Variants in DAAM1 observed in about 807,000 individuals in gnomAD.
DAAM1 encodes dishevelled associated activator of morphogenesis 1.
DAAM1 carries 52 observed loss-of-function variants against 130.0 expected under a neutral mutation model. The ratio of observed to expected loss-of-function variants is 0.40; its 90% CI spans 0.32 to 0.50. The LOEUF (loss-of-function observed/expected upper bound fraction) is 0.50. Ranked by LOEUF, DAAM1 falls within the 20% of genes least tolerant of loss-of-function variation. The pLI is 0.61. For missense variants in DAAM1, 1,134 were observed against 1,303.8 expected (o/e 0.87, Z 2.01); for synonymous variants, 452 against 444.5 (o/e 1.02, Z -0.21).
chr14:59,220,136 A>G (rs755032093), intron 1 of DAAM1, among the ~76,000 whole-genome samples: 1 of 152,092 alleles, frequency 6.6e-6, no homozygotes, highest in African/African-American at 2.4e-5. Context: ...CTCTCATCCC[A>G]AGATTTTGTT....
chr14:59,237,637 T>A (rs1467228941), intron 1 of DAAM1, among the ~76,000 whole-genome samples: 1 of 152,186 alleles, frequency 6.6e-6, no homozygotes, highest in Non-Finnish European at 1.5e-5. Flanking sequence ...TAAAATATTT[T>A]GTGCCAGGAT....
chr14:59,241,667 G>A (rs1881123522), intron 1 of DAAM1, among the ~76,000 whole-genome samples: 1 of 152,196 alleles, frequency 6.6e-6, no homozygotes, highest in Non-Finnish European at 1.5e-5. Context: ...GAAGCAGAAG[G>A]AAGAGCTTCC....
At chr14:59,326,131 A>G in intron 10 of DAAM1, 54 bp downstream of exon 10, 2 of 1,540,110 alleles carry the variant, frequency 1.3e-6, no homozygotes, top group Non-Finnish European at 1.8e-6. Flanking sequence ...ACATTGTCCT[A>G]ATGGGTTCTG....
At chr14:59,313,925 A>G (rs1884688689) in intron 3 of DAAM1, among the ~76,000 whole-genome samples, 1 of 152,238 alleles carries the variant, frequency 6.6e-6, no homozygotes. Context: ...CAATCTCCAG[A>G]TGAAATTCAC....
At chr14:59,252,370 T>G (rs1881684518) in intron 1 of DAAM1, among the ~76,000 whole-genome samples, 1 of 152,242 alleles carries the variant, frequency 6.6e-6, no homozygotes, top group African/African-American at 2.4e-5. Context: ...TTGCAGTAAC[T>G]AAATTTGGTA....
chr14:59,216,814 C>T (rs968471223), intron 1 of DAAM1, among the ~76,000 whole-genome samples: 5 of 151,776 alleles, frequency 3.3e-5, no homozygotes, highest in East Asian at 1.9e-4. Context: ...GTTGACTAAC[C>T]GTTTGTGTGA....
At chr14:59,336,800 T>C (rs563007669) in intron 15 of DAAM1, among the ~76,000 whole-genome samples, 12 of 152,342 alleles carry the variant, frequency 7.9e-5, no homozygotes, top group African/African-American at 2.9e-4. Flanking sequence ...GATGAAATAA[T>C]TGTATTACTG....
intron 19 of DAAM1, 101 bp downstream of exon 19, chr14:59,354,065 T>C: frequency 2.3e-6 from 2 of 865,820 alleles, no homozygotes. Flanking sequence ...CTTGGTGATT[T>C]TTTTTTTTTT....
chr14:59,196,469 T>C (rs1480542345), intron 1 of DAAM1, among the ~76,000 whole-genome samples: 1 of 152,034 alleles, frequency 6.6e-6, no homozygotes, highest in African/African-American at 2.4e-5. Flanking sequence ...ATGGGCCGGG[T>C]GCGGTGGCTC....
rs57893285 is a variant in DAAM1 at position 59,366,035 on chromosome 14, T to C, written c.2827-1394T>C. 3.3e-3 allele frequency among the ~76,000 whole-genome samples: 506 copies of C among 151,776 alleles called. 3 individuals carry two copies. Among genetic ancestry groups the C allele is most frequent in the African/African-American group, 0.012 (484 of 41,332 alleles). Reference sequence around the variant, plus strand: ...GACTGGATATACTATTGTTACTGTATACATATATTTTTATTTAACTTTAAA... The same window carrying C: ...GACTGGATATACTATTGTTACTGTACACATATATTTTTATTTAACTTTAAA... On this transcript the variant is annotated intron_variant, in intron 23 of 24. Transcript: ENST00000360909.
chr14:59,356,537 A>G (rs186685070), intron 20 of DAAM1, among the ~76,000 whole-genome samples: 3 of 152,336 alleles, frequency 2.0e-5, no homozygotes, highest in Admixed American at 6.5e-5. Flanking sequence ...CAGCTTGCCT[A>G]TGGTTACAAC....
At position 59,330,615 on chromosome 14, in the gene DAAM1, AG is replaced by A; in HGVS notation, c.1489del (p.Glu497ArgfsTer87). ...AATAAAATGAAAGAGAAACTTGAAAAGGAGACTACTGAGCATAAGCAAGTCA... is the reference window on the plus strand; with the variant it reads ...AATAAAATGAAAGAGAAACTTGAAAAGAGACTACTGAGCATAAGCAAGTCA... ...TLNKMKEKLEKETTEHKQVKQ... is the reference protein window; with the variant it reads ...TLNKMKEKLEXETTEHKQVKQ... On this transcript the variant is annotated frameshift_variant, in exon 13 of 25. Transcript: ENST00000360909. LOFTEE classifies it high-confidence loss of function. 1 of 1,614,082 alleles carries A rather than the reference AG, an allele frequency of 6.2e-7. No homozygotes were observed. Among genetic ancestry groups the A allele is most frequent in the Non-Finnish European group, 8.5e-7 (1 of 1,180,012 alleles).
chr14:59,289,391 A>G (rs950505886), intron 2 of DAAM1, among the ~76,000 whole-genome samples: 3 of 152,162 alleles, frequency 2.0e-5, no homozygotes, highest in Non-Finnish European at 2.9e-5. Flanking sequence ...AATCACATCA[A>G]TTACTAATTA....
intron 1 of DAAM1, among the ~76,000 whole-genome samples, chr14:59,242,593 C>G (rs568775743): frequency 2.0e-5 from 3 of 152,292 alleles, no homozygotes; most frequent in Admixed American, 1.3e-4. Context: ...GAGTCTCGCT[C>G]TATCCCCCAG....
At chr14:59,294,639 A>T (rs186850058) in intron 3 of DAAM1, among the ~76,000 whole-genome samples, 21 of 152,194 alleles carry the variant, frequency 1.4e-4, no homozygotes, top group African/African-American at 4.8e-4. Flanking sequence ...TCAAATAGGA[A>T]ATGTTTGTGG....
intron 22 of DAAM1, chr14:59,362,797 T>A (rs1886760895): frequency 6.6e-6 from 1 of 152,158 alleles, no homozygotes; most frequent in African/African-American, 2.4e-5. Context: ...AGAATCCAGT[T>A]TAAGTCAATT....
At chr14:59,347,870 C>G (rs1391422090) in intron 17 of DAAM1, among the ~76,000 whole-genome samples, 3 of 152,190 alleles carry the variant, frequency 2.0e-5, no homozygotes, top group African/African-American at 7.2e-5. Context: ...ATCCCTCAAG[C>G]TGCAATTAAG....
At chr14:59,229,926 C>A (rs1889050867) in intron 1 of DAAM1, among the ~76,000 whole-genome samples, 1 of 152,174 alleles carries the variant, frequency 6.6e-6, no homozygotes, top group Non-Finnish European at 1.5e-5. Context: ...CTCCCACCAC[C>A]ACCCATCTTA....
intron 3 of DAAM1, among the ~76,000 whole-genome samples, chr14:59,308,095 T>C (rs888149693): frequency 6.6e-6 from 1 of 152,224 alleles, no homozygotes; most frequent in Non-Finnish European, 1.5e-5. Context: ...GCTTGTTCTT[T>C]TTCTTCTTGG....
Sources: gnomAD v4.1 joint callset for allele counts (sites outside exome capture counted in the v4.1 genomes callset) on GRCh38, gnomAD v4.1.1 for gene constraint, MANE v1.5 for transcripts, NCBI Gene and HGNC (gene_info 2026-07-23, HGNC 2026-07-21) for gene names.